Variants in CANT1 observed in about 807,000 individuals in gnomAD.
CANT1 encodes the protein soluble calcium-activated nucleotidase 1.
Under a neutral mutation model 30.0 loss-of-function variants are expected in CANT1, and 26 were observed. The ratio of observed to expected loss-of-function variants is 0.87; its 90% confidence interval spans 0.64 to 1.20. The LOEUF (loss-of-function observed/expected upper bound fraction) is 1.20. CANT1 is among the 50% of genes most tolerant of loss of function. The pLI is 0.00. For synonymous variants in CANT1, 246 were observed against 251.8 expected, an observed-to-expected ratio of 0.98 and a Z score of 0.22; for missense variants, 518 against 563.0, an observed-to-expected ratio of 0.92 and a Z score of 0.81.
chr17:78,995,264 C>T lies in CANT1; in HGVS notation c.632-43G>A. Reference sequence around the variant, plus strand: ...CCTTAGGCCCCGCACCCAGCTCCCGCCGCACCCCTGCACCTGGCTCCCACC... The same window carrying T: ...CCTTAGGCCCCGCACCCAGCTCCCGTCGCACCCCTGCACCTGGCTCCCACC... On this transcript the variant is annotated intron_variant, in intron 3 of 4. Transcript: ENST00000392446. This position sits in a 1 kb window ranked among gnomAD's most constrained non-coding sequence, Gnocchi z 5.7. 6.3e-7 allele frequency: 1 copy of T among 1,591,344 alleles called. No homozygotes were observed. Among genetic ancestry groups the T allele is most frequent in the Non-Finnish European group, 8.6e-7 (1 of 1,168,248 alleles).
In CANT1 at chr17:78,993,944, C is replaced by A. The variant is rs768236579; in HGVS notation, c.836-24G>T. 4 of 1,553,524 alleles carry A rather than the reference C, an allele frequency of 2.6e-6. No individual in the cohort carries two copies. The South Asian group carries it at 4.7e-5, about 18-fold the overall frequency. ...GCCTGGGAACCGGGTGACCGCGGGT[C>A]AGACACGCATGCGGCCTGGTGTGCC... On this transcript the variant is annotated intron_variant, in intron 4 of 4. Transcript: ENST00000392446. The surrounding 1 kb of genome is among the most constrained non-coding windows in gnomAD (Gnocchi z 4.5).
At position 79,008,432 on chromosome 17, in the gene CANT1, C is replaced by T. The variant is rs1462952989; in HGVS notation, c.-147+1232G>A. ...GCCTTCTACGACCTGACACTTGTTT[C>T]AAGTTTGGGCCCTTACACTGGAGAG... On this transcript the variant is annotated intron_variant, in intron 1 of 4. Coordinates refer to ENST00000392446, the MANE Select transcript of CANT1 (RefSeq NM_001159773.2). This position sits in a 1 kb window ranked among gnomAD's most constrained non-coding sequence, Gnocchi z 4.4. Among the ~76,000 whole-genome samples, 1 of 152,230 alleles carries T rather than the reference C, an allele frequency of 6.6e-6. No homozygotes were observed. The highest frequency in any genetic ancestry group is 1.5e-5 in the Non-Finnish European group (1 of 68,044).
intron 1 of CANT1, among the ~76,000 whole-genome samples, chr17:79,003,918 C>T (rs1457239420): frequency 1.5e-5 from 2 of 131,792 alleles, no homozygotes; most frequent in South Asian, 5.4e-4. Flanking sequence ...AGGGGAGCCA[C>T]CAGTGAGGGA....
At chr17:79,007,162 G>A (rs931231722) in intron 1 of CANT1, among the ~76,000 whole-genome samples, 6 of 152,154 alleles carry the variant, frequency 3.9e-5, no homozygotes, top group Non-Finnish European at 8.8e-5. Context: ...AAAACAGAAC[G>A]TCTCCCCAAA....
rs73999360 is a variant in CANT1, at chr17:78,994,306, G to C, written c.836-386C>G. Among the ~76,000 whole-genome samples, 824 of 152,306 alleles carry C rather than the reference G, an allele frequency of 5.4e-3. 7 individuals carry two copies. Among genetic ancestry groups the C allele is most frequent in the African/African-American group, 0.018 (768 of 41,564 alleles). ...GAGGCTGCAAGGAAGAGGAGACAGC[G>C]TCTGGGGCCCCAGGCACAGACTCAG... On this transcript the variant is annotated intron_variant, in intron 4 of 4. Coordinates refer to ENST00000392446, the MANE Select transcript of CANT1 (RefSeq NM_001159773.2).
In CANT1 at chr17:78,991,883, T is replaced by C. The variant is rs1426789705; in HGVS notation, c.*1667A>G. On this transcript the variant is annotated 3_prime_UTR_variant, in exon 5 of 5. Coordinates refer to ENST00000392446, the MANE Select transcript of CANT1 (RefSeq NM_001159773.2). Reference sequence around the variant, plus strand: ...AGAGGCTGCTTCCGGGCACCTGGGCTGTGACTCAGGTGCTGACATGAATAC... The same window carrying C: ...AGAGGCTGCTTCCGGGCACCTGGGCCGTGACTCAGGTGCTGACATGAATAC... 2.2e-5 allele frequency: 5 copies of C among 231,618 alleles called. No homozygotes were observed. Among genetic ancestry groups the C allele is most frequent in the Non-Finnish European group, 4.3e-5 (5 of 117,044 alleles). The allele number at this position is 231,618 out of a possible 1,614,324, so 14.3% of individuals were successfully genotyped here.
chr17:78,992,674 C>T lies in CANT1; in HGVS notation c.*876G>A, dbSNP rs551101097. On this transcript the variant is annotated 3_prime_UTR_variant, in exon 5 of 5. Coordinates refer to ENST00000392446, the MANE Select transcript of CANT1 (RefSeq NM_001159773.2). ...AGTTCCTAGAAAAAGGCAACATTTT[C>T]TTTATCTTTGTATCCATTGGCCAAG... 1.0e-4 allele frequency: 60 copies of T among 586,944 alleles called. No homozygotes were observed. The highest frequency in any genetic ancestry group is 7.3e-4 in the Admixed American group (37 of 50,940). 36.4% of individuals were successfully genotyped at this position (586,944 alleles called of 1,614,324 possible). A position where few individuals can be genotyped will look rare whatever the true frequency, so the allele number is the denominator to read the frequency against.
chr17:78,993,156 G>T lies in CANT1; in HGVS notation c.*394C>A. On this transcript the variant is annotated 3_prime_UTR_variant, in exon 5 of 5. Transcript: ENST00000392446. This position sits in a 1 kb window ranked among gnomAD's most constrained non-coding sequence, Gnocchi z 4.5. The stretch of plus-strand genomic sequence containing the variant: ...GTGACCTGGGGTTCCCAGCAAACAG[G>T]TCCACCTCATGCTCACTGCGTTCTC... The T allele has an allele frequency of 2.7e-6, 1 of 364,162 alleles. No individual in the cohort carries two copies. The highest frequency in any genetic ancestry group is 5.1e-6 in the Non-Finnish European group (1 of 195,424). 22.6% of individuals were successfully genotyped at this position (364,162 alleles called of 1,614,324 possible). A position where few individuals can be genotyped will look rare whatever the true frequency, so the allele number is the denominator to read the frequency against.
chr17:78,997,315 A>G lies in CANT1; in HGVS notation c.308T>C (p.Ile103Thr). The G allele has an allele frequency of 6.2e-7, 1 of 1,613,836 alleles. No homozygotes were observed. Among genetic ancestry groups the G allele is most frequent in the Non-Finnish European group, 8.5e-7 (1 of 1,179,978 alleles). ...LSPPQRTPAG[I>T]RYRIAVIADL... ...TGCGATAACTGCGATTCGATACCGA[A>G]TCCCAGCCGGTGTCCTTTGTGGGGG... The change falls in exon 3 of 5, where the codon ATT becomes ACT. Residue 103 changes from isoleucine (I) to threonine (T), a missense_variant. Ile to Thr is a moderately conservative substitution (Grantham distance 89). Around this residue, in one of 3 missense-constraint regions of CANT1, gnomAD observed 249 missense variants for 268.8 expected, o/e 0.93. Coordinates refer to ENST00000392446, the MANE Select transcript of CANT1 (RefSeq NM_001159773.2). This position sits in a 1 kb window ranked among gnomAD's most constrained non-coding sequence, Gnocchi z 7.5.
chr17:78,993,413 G>A lies in CANT1; in HGVS notation c.*137C>T. 2 of 1,336,660 alleles carry A rather than the reference G, an allele frequency of 1.5e-6. No homozygotes were observed. The highest frequency in any genetic ancestry group is 2.5e-5 in the South Asian group (2 of 80,694). 82.8% of individuals were successfully genotyped at this position (1,336,660 alleles called of 1,614,324 possible). On this transcript the variant is annotated 3_prime_UTR_variant, in exon 5 of 5. Transcript: ENST00000392446. This position sits in a 1 kb window ranked among gnomAD's most constrained non-coding sequence, Gnocchi z 4.5. ...GGGTCCAGTGCCCGCACCACTATGG[G>A]GCCCGGGACTGGGCTCCCTGTCCAG...
chr17:79,002,539 G>A lies in CANT1; in HGVS notation c.-146-4576C>T, dbSNP rs1279142236. 1.3e-5 allele frequency among the ~76,000 whole-genome samples: 2 copies of A among 151,970 alleles called. No individual in the cohort carries two copies. The highest frequency in any genetic ancestry group is 2.9e-5 in the Non-Finnish European group (2 of 67,950). On this transcript the variant is annotated intron_variant, in intron 1 of 4. Coordinates refer to ENST00000392446, the MANE Select transcript of CANT1 (RefSeq NM_001159773.2). The surrounding 1 kb of genome is among the most constrained non-coding windows in gnomAD (Gnocchi z 4.0). The stretch of plus-strand genomic sequence containing the variant: ...TGTAGACGCGGCCTGCGTAGACGCG[G>A]CCTGCTGTGTAGTCACGTCCTGGTG...
chr17:79,000,770 C>T (rs921277559), intron 1 of CANT1, among the ~76,000 whole-genome samples: 15 of 152,338 alleles, frequency 9.8e-5, no homozygotes, highest in South Asian at 6.2e-4. Context: ...GTCTCTCCTA[C>T]GGGGCATCAG....
At position 79,002,637 on chromosome 17, in the gene CANT1, T is replaced by C. The variant is rs933578002; in HGVS notation, c.-146-4674A>G. 8.5e-5 allele frequency among the ~76,000 whole-genome samples: 13 copies of C among 152,280 alleles called. No individual in the cohort carries two copies. The highest frequency in any genetic ancestry group is 3.1e-4 in the African/African-American group (13 of 41,546). ...TGAGTCTGGCTGCACCGTTGAGTGGTCGCAACAGACTGTGGAGGCTGAAAA... is the reference window on the plus strand; with the variant it reads ...TGAGTCTGGCTGCACCGTTGAGTGGCCGCAACAGACTGTGGAGGCTGAAAA... On this transcript the variant is annotated intron_variant, in intron 1 of 4. Transcript: ENST00000392446. The surrounding 1 kb of genome is among the most constrained non-coding windows in gnomAD (Gnocchi z 4.0).
chr17:79,002,717 T>C lies in CANT1; in HGVS notation c.-146-4754A>G, dbSNP rs1377661045. 1.3e-5 allele frequency among the ~76,000 whole-genome samples: 2 copies of C among 152,166 alleles called. No homozygotes were observed. Among genetic ancestry groups the C allele is most frequent in the Non-Finnish European group, 2.9e-5 (2 of 68,022 alleles). Reference sequence around the variant, plus strand: ...TGGTCAAGACCATCTCAAATCACCCTCCACAAAACTGACAGAATAATTTTT... The same window carrying C: ...TGGTCAAGACCATCTCAAATCACCCCCCACAAAACTGACAGAATAATTTTT... On this transcript the variant is annotated intron_variant, in intron 1 of 4. Coordinates refer to ENST00000392446, the MANE Select transcript of CANT1 (RefSeq NM_001159773.2). The surrounding 1 kb of genome is among the most constrained non-coding windows in gnomAD (Gnocchi z 4.0).
rs1420396749 is a variant in CANT1, at chr17:78,995,416, TCA to T, written c.632-197_632-196del. Reference sequence around the variant, plus strand: ...TGCCCTCCCCTCAGCTCCTGAAGGTTCAGTGACCACTCTCAAGTCTCCTCTGA... The same window carrying T: ...TGCCCTCCCCTCAGCTCCTGAAGGTTGTGACCACTCTCAAGTCTCCTCTGA... On this transcript the variant is annotated intron_variant, in intron 3 of 4. Transcript: ENST00000392446. This position sits in a 1 kb window ranked among gnomAD's most constrained non-coding sequence, Gnocchi z 5.7. Among the ~76,000 whole-genome samples the T allele has an allele frequency of 1.3e-5, 2 of 152,110 alleles. No homozygotes were observed. The highest frequency in any genetic ancestry group is 4.8e-5 in the African/African-American group (2 of 41,394).
At chr17:79,007,487 A>G (rs2145860286) in intron 1 of CANT1, among the ~76,000 whole-genome samples, 1 of 152,302 alleles carries the variant, frequency 6.6e-6, no homozygotes, top group South Asian at 2.1e-4. Flanking sequence ...TTTGAAAGAG[A>G]AAACACTACA....
At chr17:78,999,190 G>C (rs899048574) in intron 1 of CANT1, among the ~76,000 whole-genome samples, 4 of 152,158 alleles carry the variant, frequency 2.6e-5, no homozygotes, top group Non-Finnish European at 5.9e-5. Flanking sequence ...GCTGCTCAGA[G>C]TGATCCTCCT....
chr17:79,000,758 C>T (rs1471899294), intron 1 of CANT1, among the ~76,000 whole-genome samples: 1 of 152,206 alleles, frequency 6.6e-6, no homozygotes, highest in Non-Finnish European at 1.5e-5. Flanking sequence ...ACCAGCAGCT[C>T]GGTCTCTCCT....
Position 78,997,219 on chromosome 17 carries a change from G to T in CANT1, c.404C>A (p.Thr135Asn). 6.2e-7 allele frequency: 1 copy of T among 1,614,200 alleles called. No individual in the cohort carries two copies. The highest frequency in any genetic ancestry group is 8.5e-7 in the Non-Finnish European group (1 of 1,180,052). The change falls in exon 3 of 5, where the codon ACC (threonine) becomes AAC (asparagine). Residue 135 changes from threonine to asparagine, a missense_variant. By Grantham distance (65) the Thr-to-Asn change is moderately conservative. Coordinates refer to ENST00000392446, the MANE Select transcript of CANT1 (RefSeq NM_001159773.2). The surrounding 1 kb of genome is among the most constrained non-coding windows in gnomAD (Gnocchi z 7.5). ...CACCTTGTCCCCACTGTCTGACAGG[G>T]TCAGGTAGCCCTTTTTCAGGTAACT... ...WFSYLKKGYL[T>N]LSDSGDKVAV...
Sources: allele counts gnomAD v4.1 joint callset (sites outside exome capture counted in the v4.1 genomes callset), GRCh38; gene constraint gnomAD v4.1.1; regional missense constraint gnomAD v4.1.1; non-coding constraint Gnocchi (gnomAD v3.1); transcripts MANE v1.5; gene names NCBI Gene and HGNC (gene_info 2026-07-23, HGNC 2026-07-21).